The following ADAM2 variants were observed in gnomAD, a reference collection of about 807,000 sequenced individuals.
ADAM2 encodes the protein ADAM metallopeptidase domain 2, also known as disintegrin and metalloproteinase domain-containing protein 2.
In ADAM2, 101 loss-of-function variants were observed where a neutral mutation model predicts 99.3. The observed-to-expected ratio is 1.02, with a 90% CI of 0.87 to 1.20. The LOEUF (loss-of-function observed/expected upper bound fraction) is 1.20. ADAM2 is among the 50% of genes most tolerant of loss of function. ADAM2 has a pLI of 0.00. For missense variants in ADAM2, 948 were observed against 878.7 expected, an observed-to-expected ratio of 1.08 and a Z score of -1.00; for synonymous variants, 323 against 287.6, an observed-to-expected ratio of 1.12 and a Z score of -1.25.
intron 3 of ADAM2, among the ~76,000 whole-genome samples, chr8:39,828,885 G>A (rs372421820): frequency 3.9e-5 from 6 of 151,966 alleles, no homozygotes; most frequent in African/African-American, 9.6e-5. Context: ...GAGGAAAAAG[G>A]TGAAAAGGCT....
At chr8:39,746,445 C>A (rs775253522) in intron 19 of ADAM2, 27 bp downstream of exon 19, 9 of 1,438,314 alleles carry the variant, frequency 6.3e-6, no homozygotes. Flanking sequence ...ATACAAATAA[C>A]AAATCTTAAA....
chr8:39,824,949 A>C, intron 3 of ADAM2, 52 bp from the exon 4 acceptor site: 1 of 826,726 alleles, frequency 1.2e-6, no homozygotes, highest in Non-Finnish European at 2.0e-6. Flanking sequence ...TTTTGTTTTG[A>C]AACATTTATT....
intron 7 of ADAM2, among the ~76,000 whole-genome samples, chr8:39,789,141 A>ATCCTAGCT (rs1803597623): frequency 6.6e-6 from 1 of 151,704 alleles, no homozygotes; most frequent in South Asian, 2.1e-4. Flanking sequence ...TACCATACAA[A>ATCCTAGCT]CATCACTAAT....
At chr8:39,814,274 G>A (rs1043036919) in intron 6 of ADAM2, among the ~76,000 whole-genome samples, 16 of 151,692 alleles carry the variant, frequency 1.1e-4, no homozygotes, top group African/African-American at 2.9e-4. Flanking sequence ...CAGGAGAATC[G>A]CTTGAAACTG....
intron 16 of ADAM2, among the ~76,000 whole-genome samples, chr8:39,752,997 C>A (rs919981736): frequency 3.9e-5 from 6 of 151,910 alleles, no homozygotes; most frequent in African/African-American, 1.5e-4. Flanking sequence ...AAAATCGGTA[C>A]CAGGAATGGA....
At chr8:39,800,210 G>A (rs919776298) in intron 7 of ADAM2, among the ~76,000 whole-genome samples, 4 of 152,144 alleles carry the variant, frequency 2.6e-5, no homozygotes, top group African/African-American at 9.7e-5. Flanking sequence ...GCTTTTGCAG[G>A]ACAGACCTGG....
Position 39,825,078 on chromosome 8 carries a change from A to G in ADAM2, c.189-181T>C, listed in dbSNP as rs1056717375. 5.2e-4 allele frequency among the ~76,000 whole-genome samples: 79 copies of G among 152,186 alleles called. 1 individual carries two copies. Among genetic ancestry groups the G allele is most frequent in the African/African-American group, 1.9e-3 (77 of 41,446 alleles). On this transcript the variant is annotated intron_variant, in intron 3 of 20. Transcript: ENST00000265708. ...AAACATCTTACACTTCACTCACTCT[A>G]TTGTTACTCTGTCCTCCTAGCTGTT...
intron 10 of ADAM2, among the ~76,000 whole-genome samples, chr8:39,777,553 G>A (rs532657296): frequency 2.8e-4 from 43 of 152,076 alleles, no homozygotes; most frequent in African/African-American, 1.0e-3. Context: ...ACAAAGTGGG[G>A]GATAAAGAGG....
intron 6 of ADAM2, among the ~76,000 whole-genome samples, chr8:39,819,653 A>G (rs543937653): frequency 6.6e-6 from 1 of 152,266 alleles, no homozygotes; most frequent in East Asian, 1.9e-4. Context: ...TATTTTCTAA[A>G]CAAAAGGGAA....
rs57787712 is a variant in ADAM2, at chr8:39,756,364, T to C, written c.1614-453A>G. On this transcript the variant is annotated intron_variant, in intron 15 of 20. Coordinates refer to ENST00000265708, the MANE Select transcript of ADAM2 (RefSeq NM_001464.5). ...AACAAAAATAACCATTAATTAATAC[T>C]ACAGGGTTATCACTATATATATCAC... Among the ~76,000 whole-genome samples, 862 of 152,324 alleles carry C rather than the reference T, an allele frequency of 5.7e-3. 6 individuals carry two copies. Among genetic ancestry groups the C allele is most frequent in the African/African-American group, 0.02 (819 of 41,578 alleles).
At chr8:39,761,348 C>A in intron 14 of ADAM2, 67 bp from the exon 15 acceptor site, 1 of 790,918 alleles carries the variant, frequency 1.3e-6, no homozygotes, top group South Asian at 2.6e-5. Flanking sequence ...AACAAATACA[C>A]TTAAAATTCT....
chr8:39,809,544 A>G (rs553710156), intron 6 of ADAM2, 78 bp from the exon 7 acceptor site: 11 of 648,614 alleles, frequency 1.7e-5, no homozygotes, highest in Non-Finnish European at 3.0e-5. Flanking sequence ...ACTATTAATG[A>G]ACTAAATATT....
chr8:39,811,908 G>A (rs1383099712), intron 6 of ADAM2, among the ~76,000 whole-genome samples: 2 of 152,180 alleles, frequency 1.3e-5, no homozygotes, highest in Admixed American at 1.3e-4. Context: ...ATTCAACATA[G>A]TGTTGGAAGT....
At chr8:39,801,922 G>A (rs1034582249) in intron 7 of ADAM2, among the ~76,000 whole-genome samples, 7 of 152,030 alleles carry the variant, frequency 4.6e-5, no homozygotes, top group Non-Finnish European at 7.4e-5. Context: ...CCCTTCCCCC[G>A]CCCAGGGAGC....
chr8:39,821,400 T>TA (rs1805182446), intron 5 of ADAM2, among the ~76,000 whole-genome samples, 186 bp downstream of exon 5: 3 of 152,130 alleles, frequency 2.0e-5, no homozygotes, highest in African/African-American at 2.4e-5. Context: ...CAAATATATT[T>TA]AAAAAATCAT....
intron 10 of ADAM2, among the ~76,000 whole-genome samples, chr8:39,781,224 TTA>T (rs1244815421): frequency 3.3e-5 from 5 of 152,192 alleles, no homozygotes; most frequent in African/African-American, 1.2e-4. Flanking sequence ...TTATGTATAC[TTA>T]TGTGAAAACA....
chr8:39,813,524 T>G (rs1290295602), intron 6 of ADAM2, among the ~76,000 whole-genome samples: 2 of 152,176 alleles, frequency 1.3e-5, no homozygotes, highest in African/African-American at 4.8e-5. Flanking sequence ...CCAACCCAAA[T>G]GTCCATCAAT....
intron 16 of ADAM2, among the ~76,000 whole-genome samples, chr8:39,753,438 A>C (rs1463955483): frequency 2.0e-5 from 3 of 151,296 alleles, no homozygotes; most frequent in East Asian, 1.9e-4. Context: ...AAAAAAAAAA[A>C]CCCATGTTCT....
intron 6 of ADAM2, among the ~76,000 whole-genome samples, chr8:39,810,391 C>A (rs919611419): frequency 6.6e-6 from 1 of 152,176 alleles, no homozygotes; most frequent in Non-Finnish European, 1.5e-5. Flanking sequence ...AGAACGTTAA[C>A]AAGGATATCC....
Sources: gnomAD v4.1 joint callset for allele counts (sites outside exome capture counted in the v4.1 genomes callset) on GRCh38, gnomAD v4.1.1 for gene constraint, MANE v1.5 for transcripts, NCBI Gene and HGNC (gene_info 2026-07-23, HGNC 2026-07-21) for gene names.